Variants in GRM3 observed in about 807,000 individuals in gnomAD.
The protein encoded by GRM3 is metabotropic glutamate receptor 3.
Under a neutral mutation model 70.5 loss-of-function variants are expected in GRM3, and 26 were observed. The ratio of observed to expected loss-of-function variants is 0.37; its 90% CI spans 0.27 to 0.51. The LOEUF is 0.51. Among genes scored for constraint, GRM3 ranks in the 20% least tolerant of loss-of-function variants. The probability of loss-of-function intolerance (pLI) is 0.93; values close to 1 mark genes in which losing one functional copy is unlikely to be tolerated. For missense variants in GRM3, 859 were observed against 1,123.8 expected (o/e 0.76, Z 3.37); for synonymous variants, 443 against 434.9 (o/e 1.02, Z -0.23).
chr7:86,745,260 A>G (rs1796076226), intron 1 of GRM3, among the ~76,000 whole-genome samples: 1 of 152,030 alleles, frequency 6.6e-6, no homozygotes, highest in Non-Finnish European at 1.5e-5. Context: ...GGGCAGTGGG[A>G]GGTATGCTTT....
At chr7:86,766,572 G>A (rs79244138) in intron 2 of GRM3, among the ~76,000 whole-genome samples, 3,648 of 152,176 alleles carry the variant, frequency 0.024, 146 homozygotes, top group African/African-American at 0.081. Context: ...CCAATCCCCA[G>A]AAAGATTGGT....
intron 1 of GRM3, among the ~76,000 whole-genome samples, chr7:86,719,436 C>G (rs1009058940): frequency 1.3e-5 from 2 of 151,974 alleles, no homozygotes; most frequent in Non-Finnish European, 2.9e-5. Context: ...TCCTAAAGAG[C>G]TGACAGTCCA....
intron 5 of GRM3, among the ~76,000 whole-genome samples, chr7:86,854,110 T>C (rs1798804352): frequency 6.6e-6 from 1 of 152,194 alleles, no homozygotes; most frequent in Non-Finnish European, 1.5e-5. Context: ...ATTATTATAA[T>C]TATGCCACAC....
chr7:86,827,939 T>A lies in GRM3; in HGVS notation c.1325-10900T>A, dbSNP rs373717052. Among the ~76,000 whole-genome samples the A allele has an allele frequency of 2.6e-5, 4 of 151,844 alleles. No individual in the cohort carries two copies. In the South Asian group the frequency reaches 8.3e-4, roughly 32 times the overall value. ...CATCCTGGCTAACACGGTGAAACCC[T>A]GTCTCTACTAAAAATACAAAAAATT... On this transcript the variant is annotated intron_variant, in intron 3 of 5. Coordinates refer to ENST00000361669, the MANE Select transcript of GRM3 (RefSeq NM_000840.3).
chr7:86,687,754 A>G (rs555437202), intron 1 of GRM3, among the ~76,000 whole-genome samples: 1 of 152,052 alleles, frequency 6.6e-6, no homozygotes, highest in African/African-American at 2.4e-5. Flanking sequence ...AATGTCTTAC[A>G]GAATTTACAA....
chr7:86,648,242 C>A (rs913129874), intron 1 of GRM3, among the ~76,000 whole-genome samples: 8 of 152,118 alleles, frequency 5.3e-5, no homozygotes, highest in African/African-American at 1.9e-4. Context: ...TAAGAAATTA[C>A]CTTTTCTGAT....
chr7:86,722,904 A>C (rs1359565433), intron 1 of GRM3, among the ~76,000 whole-genome samples: 4 of 152,124 alleles, frequency 2.6e-5, no homozygotes, highest in Admixed American at 2.0e-4. Flanking sequence ...AAGGTCACAG[A>C]GCTCACTAAT....
intron 1 of GRM3, among the ~76,000 whole-genome samples, chr7:86,714,409 T>C (rs80343904): frequency 0.031 from 4,671 of 152,028 alleles, 90 homozygotes; most frequent in East Asian, 0.063. Context: ...TGTATGTGCA[T>C]TTTCTCATTT....
intron 1 of GRM3, among the ~76,000 whole-genome samples, chr7:86,674,023 A>G (rs1034394153): frequency 3.3e-5 from 5 of 152,150 alleles, no homozygotes; most frequent in Non-Finnish European, 7.4e-5. Context: ...TAAAACCAGT[A>G]TATTGATTAT....
chr7:86,697,679 C>A (rs1215191017), intron 1 of GRM3, among the ~76,000 whole-genome samples: 1 of 151,950 alleles, frequency 6.6e-6, no homozygotes, highest in Non-Finnish European at 1.5e-5. Flanking sequence ...GGTAATATTA[C>A]TAATTTTGAA....
At chr7:86,756,293 G>T (rs2116380214) in intron 1 of GRM3, among the ~76,000 whole-genome samples, 1 of 152,204 alleles carries the variant, frequency 6.6e-6, no homozygotes, top group Middle Eastern at 3.4e-3. Context: ...TGGCCAGGCT[G>T]GTCTCGAACT....
At chr7:86,699,746 A>G (rs1794906955) in intron 1 of GRM3, among the ~76,000 whole-genome samples, 1 of 152,032 alleles carries the variant, frequency 6.6e-6, no homozygotes, top group Non-Finnish European at 1.5e-5. Context: ...ATGGTTTTGA[A>G]GTAACTTGGT....
At chr7:86,702,951 A>T (rs1584178473) in intron 1 of GRM3, among the ~76,000 whole-genome samples, 1 of 151,974 alleles carries the variant, frequency 6.6e-6, no homozygotes. Context: ...GTTGAGTCCT[A>T]GGAGATGATT....
chr7:86,784,174 G>A (rs1011099900), intron 2 of GRM3: 3 of 151,822 alleles, frequency 2.0e-5, no homozygotes, highest in Non-Finnish European at 4.4e-5. Context: ...ACATCCTGGA[G>A]AGTTAGACAT....
intron 2 of GRM3, among the ~76,000 whole-genome samples, chr7:86,769,431 G>C (rs1584227884): frequency 6.6e-6 from 1 of 152,120 alleles, no homozygotes; most frequent in East Asian, 1.9e-4. Context: ...GAGAATGACA[G>C]CATTTTGTGC....
chr7:86,645,980 T>TGGGTGGGGA (rs1562811178), intron 1 of GRM3, among the ~76,000 whole-genome samples: 2 of 50,176 alleles, frequency 4.0e-5, no homozygotes, highest in African/African-American at 1.9e-4. Flanking sequence ...TTCTTTGTGG[T>TGGGTGGGGA]GGGCGGGGGG....
At chr7:86,690,356 A>T (rs1432796494) in intron 1 of GRM3, among the ~76,000 whole-genome samples, 1 of 152,182 alleles carries the variant, frequency 6.6e-6, no homozygotes, top group African/African-American at 2.4e-5. Context: ...AATACAATAG[A>T]TGGCAGTTGA....
intron 1 of GRM3, among the ~76,000 whole-genome samples, chr7:86,651,127 TCTC>T (rs1180336471): frequency 6.6e-6 from 1 of 152,172 alleles, no homozygotes; most frequent in African/African-American, 2.4e-5. Flanking sequence ...ATCTCATTAT[TCTC>T]TGACCTCAGT....
chr7:86,801,069 T>C (rs1011741043), intron 3 of GRM3, among the ~76,000 whole-genome samples: 7 of 141,658 alleles, frequency 4.9e-5, no homozygotes, highest in African/African-American at 1.9e-4. Flanking sequence ...TTCTTCTTTT[T>C]TTTTTTTTTT....
Sources: allele counts gnomAD v4.1 joint callset (sites outside exome capture counted in the v4.1 genomes callset), GRCh38; gene constraint gnomAD v4.1.1; transcripts MANE v1.5; gene names NCBI Gene and HGNC (gene_info 2026-07-23, HGNC 2026-07-21).